MTA2: variants seen among roughly 807,000 people sequenced by gnomAD.
MTA2 encodes the protein metastasis associated 1 family member 2, also known as metastasis-associated protein MTA2.
In MTA2, 22 loss-of-function variants were observed where a neutral mutation model predicts 87.1. The observed-to-expected ratio is 0.25, with a 90% CI of 0.18 to 0.36. The LOEUF (loss-of-function observed/expected upper bound fraction) is 0.36. Among genes scored for constraint, MTA2 ranks in the 10% least tolerant of loss-of-function variants. The probability of loss-of-function intolerance (pLI) is 1.00; values close to 1 mark genes in which losing one functional copy is unlikely to be tolerated. For synonymous variants in MTA2, 314 were observed against 310.1 expected (o/e 1.01, Z -0.13); for missense variants, 542 against 853.2 (o/e 0.64, Z 4.54).
rs763935541 is a variant in MTA2, at chr11:62,597,424, G to A, written c.594-9C>T. 1 of 1,605,118 alleles carries A rather than the reference G, an allele frequency of 6.2e-7. No individual in the cohort carries two copies. The highest frequency in any genetic ancestry group is 8.5e-7 in the Non-Finnish European group (1 of 1,176,368). ...CAAAGGTTCCCACAGCTCTAAGGGA[G>A]AAATTGAGAAGTCAAAAGCGAAAGA... On this transcript the variant is annotated splice_polypyrimidine_tract_variant and intron_variant, in intron 7 of 17. Transcript: ENST00000278823.
chr11:62,593,964 G>A lies in MTA2; in HGVS notation c.1918C>T (p.Pro640Ser), dbSNP rs753841609. ...GGGGGCCGCACTGCAATCAGCGTTGGCTTCACCTTCAGGGGCAAGTTGGGT... is the reference window on the plus strand; with the variant it reads ...GGGGGCCGCACTGCAATCAGCGTTGACTTCACCTTCAGGGGCAAGTTGGGT... ...RRPNLPLKVK[P>S]TLIAVRPPVP... The change falls in exon 18 of 18, where the codon CCA becomes TCA. Residue 640 changes from proline to serine, a missense_variant. Around this residue, in one of 6 missense-constraint regions of MTA2, gnomAD observed 269 missense variants for 346.4 expected, o/e 0.78. Transcript: ENST00000278823. The A allele has an allele frequency of 6.2e-7, 1 of 1,614,110 alleles. No homozygotes were observed. The highest frequency in any genetic ancestry group is 1.7e-5 in the Admixed American group (1 of 60,014).
Position 62,601,768 on chromosome 11 carries a change from G to T in MTA2, c.-318C>A, listed in dbSNP as rs746580218. On this transcript the variant is annotated 5_prime_UTR_variant, in exon 1 of 18. Coordinates refer to ENST00000278823, the MANE Select transcript of MTA2 (RefSeq NM_004739.4). ...CCGCCCCCGCGGAGTCCCACTAGTC[G>T]TTGGGCTCTGCCGGCCGCAGGGAAG... The T allele has an allele frequency of 1.6e-5, 8 of 510,560 alleles. No homozygotes were observed. Among genetic ancestry groups the T allele is most frequent in the South Asian group, 1.2e-4 (4 of 33,802 alleles). 31.6% of individuals were successfully genotyped at this position (510,560 alleles called of 1,614,324 possible).
At position 62,600,227 on chromosome 11, in the gene MTA2, G is replaced by T. The variant is rs1280973598; in HGVS notation, c.129C>A (p.Val43=). The T allele has an allele frequency of 1.9e-6, 3 of 1,614,048 alleles. No homozygotes were observed. Among genetic ancestry groups the T allele is most frequent in the East Asian group, 2.2e-5 (1 of 44,894 alleles). ...AAATGTCCCTGCGCCGGAAAAGACA[G>T]ACAACCTTTGCCTCCACATTTCCAT... ...TANGNVEAKV[V]CLFRRRDISS... The change falls in exon 3 of 18, where the codon GTC becomes GTA. Residue 43 remains valine (V), a synonymous_variant. Coordinates refer to ENST00000278823, the MANE Select transcript of MTA2 (RefSeq NM_004739.4).
chr11:62,601,384 T>A lies in MTA2; in HGVS notation c.28+39A>T, dbSNP rs1942195468. On this transcript the variant is annotated intron_variant, in intron 1 of 17. Transcript: ENST00000278823. ...CCCCTCAGGTCCCTACCCCAACCTC[T>A]CCCGCCCCGGGCCCCGTATCCCTGC... 4.4e-6 allele frequency: 7 copies of A among 1,605,396 alleles called. No homozygotes were observed. In the African/African-American group the frequency reaches 6.8e-5, roughly 15 times the overall value.
chr11:62,596,769 C>T lies in MTA2; in HGVS notation c.750G>A (p.Ser250=), dbSNP rs777622190. ...CCGGGCCTCCCTGGGGTACCAGGGT[C>T]GACATGGCCTTAGCCAGGTCGTAGC... ...RNGYDLAKAM[S]TLVPQGGPVL... Residue 250 remains serine, a synonymous_variant, in exon 9 of 18, where the codon TCG becomes TCA. Transcript: ENST00000278823. The T allele has an allele frequency of 3.6e-5, 58 of 1,613,930 alleles. No homozygotes were observed. In the East Asian group the frequency reaches 1.1e-3, roughly 30 times the overall value.
At position 62,600,556 on chromosome 11, in the gene MTA2, C is replaced by T. The variant is rs140816546; in HGVS notation, c.96+66G>A. The stretch of plus-strand genomic sequence containing the variant: ...ACTTAGTATAGGATCCTCTCTTCCA[C>T]CAGAAGTTAGAAACCTCAGAAGAGA... On this transcript the variant is annotated intron_variant, in intron 2 of 17. Transcript: ENST00000278823. 1,472 of 1,438,198 alleles carry T rather than the reference C, an allele frequency of 1.0e-3. 2 individuals carry two copies. The highest frequency in any genetic ancestry group is 1.3e-3 in the Non-Finnish European group (1,378 of 1,036,276). The allele number at this position is 1,438,198 out of a possible 1,614,324, so 89.1% of individuals were successfully genotyped here.
intron 8 of MTA2, 71 bp downstream of exon 8, chr11:62,597,245 T>G: frequency 9.6e-7 from 1 of 1,046,972 alleles, no homozygotes; most frequent in Non-Finnish European, 1.4e-6. Context: ...GATACCCTCC[T>G]CTTCTGTTCC....
rs1442340472 is a variant in MTA2, at chr11:62,596,204, C to T, written c.1016+75G>A. 5.7e-6 allele frequency: 9 copies of T among 1,592,876 alleles called. No homozygotes were observed. In the East Asian group the frequency reaches 1.1e-4, roughly 20 times the overall value. On this transcript the variant is annotated intron_variant, in intron 11 of 17. Transcript: ENST00000278823. Reference sequence around the variant, plus strand: ...AGTGTGCCCCTACCTCCTGCCCACCCCCAATCACTGAGGAAGGCACAAGTT... The same window carrying T: ...AGTGTGCCCCTACCTCCTGCCCACCTCCAATCACTGAGGAAGGCACAAGTT...
chr11:62,600,039 G>A, intron 3 of MTA2, 127 bp downstream of exon 3: 2 of 788,772 alleles, frequency 2.5e-6, no homozygotes, highest in East Asian at 2.6e-5. Flanking sequence ...CCCTCCTCAG[G>A]CCAGGCATTT....
Position 62,593,224 on chromosome 11 carries a change from A to T in MTA2, c.*651T>A, listed in dbSNP as rs754030247. The T allele has an allele frequency of 2.6e-5, 4 of 152,226 alleles. No homozygotes were observed. Among genetic ancestry groups the T allele is most frequent in the Non-Finnish European group, 4.4e-5 (3 of 68,040 alleles). The allele number at this position is 152,226 out of a possible 1,614,324, so 9.4% of individuals were successfully genotyped here. ...TGAGCCAGGAGAAGCTGAAGAAAAC[A>T]GCTTTTTATTTGTTACTATAAGAAC... On this transcript the variant is annotated 3_prime_UTR_variant, in exon 18 of 18. Coordinates refer to ENST00000278823, the MANE Select transcript of MTA2 (RefSeq NM_004739.4).
intron 2 of MTA2, 170 bp downstream of exon 2, chr11:62,600,452 G>A: frequency 2.5e-6 from 2 of 801,114 alleles, no homozygotes; most frequent in Middle Eastern, 4.7e-4. Context: ...CCAAGAGACA[G>A]AATAGTAAAG....
chr11:62,600,817 T>G (rs756912830), intron 1 of MTA2, 128 bp from the exon 2 acceptor site: 3 of 734,250 alleles, frequency 4.1e-6, no homozygotes, highest in Non-Finnish European at 6.7e-6. Flanking sequence ...GAAAGGGCGC[T>G]GAGATGTGAA....
rs1455546940 is a variant in MTA2, at chr11:62,595,748, T to C, written c.1254+4A>G. 5 of 1,614,134 alleles carry C rather than the reference T, an allele frequency of 3.1e-6. No individual in the cohort carries two copies. The highest frequency in any genetic ancestry group is 4.2e-6 in the Non-Finnish European group (5 of 1,179,988). On this transcript the variant is annotated splice_donor_region_variant and intron_variant, in intron 13 of 17. Coordinates refer to ENST00000278823, the MANE Select transcript of MTA2 (RefSeq NM_004739.4). This position sits in a 1 kb window ranked among gnomAD's most constrained non-coding sequence, Gnocchi z 4.9. ...CCCCTGCTTTTCTTCCCACTGATCC[T>C]TACCGTGGTGCCCCGAGTGGCCCCC...
At position 62,593,550 on chromosome 11, in the gene MTA2, C is replaced by A; in HGVS notation, c.*325G>T. On this transcript the variant is annotated 3_prime_UTR_variant, in exon 18 of 18. Coordinates refer to ENST00000278823, the MANE Select transcript of MTA2 (RefSeq NM_004739.4). ...CTCTTCCCCTCCCCATCCCCTTTCA[C>A]AAAGGGAGGCAAAATTTTTAAAAAA... The A allele has an allele frequency of 5.0e-6, 1 of 198,320 alleles. No homozygotes were observed. Among genetic ancestry groups the A allele is most frequent in the East Asian group, 1.5e-4 (1 of 6,718 alleles). 12.3% of individuals were successfully genotyped at this position (198,320 alleles called of 1,614,324 possible). A position where few individuals can be genotyped will look rare whatever the true frequency, so the allele number is the denominator to read the frequency against.
In MTA2 at chr11:62,601,613, A is replaced by G. The variant is rs1428544386; in HGVS notation, c.-163T>C. The G allele has an allele frequency of 1.3e-6, 1 of 762,632 alleles. No homozygotes were observed. Among genetic ancestry groups the G allele is most frequent in the African/African-American group, 1.9e-5 (1 of 53,648 alleles). The allele number at this position is 762,632 out of a possible 1,614,324, so 47.2% of individuals were successfully genotyped here. A position where few individuals can be genotyped will look rare whatever the true frequency, so the allele number is the denominator to read the frequency against. ...TCCGCTGCCTCAGCCGTCGCGGTTC[A>G]TCCCGGCCCGCGCTGTCGCCGCCGC... On this transcript the variant is annotated 5_prime_UTR_variant, in exon 1 of 18. An upstream start codon of the reference 5' UTR is lost. Coordinates refer to ENST00000278823, the MANE Select transcript of MTA2 (RefSeq NM_004739.4).
chr11:62,599,567 G>A (rs562030311), intron 3 of MTA2, among the ~76,000 whole-genome samples: 29 of 151,126 alleles, frequency 1.9e-4, no homozygotes, highest in African/African-American at 6.3e-4. Flanking sequence ...AACCAAAGCA[G>A]GAAAGGAAAA....
rs12804001 is a variant in MTA2 at position 62,595,980 on chromosome 11, C to T, written c.1114+30G>A. On this transcript the variant is annotated intron_variant, in intron 12 of 17. Transcript: ENST00000278823. This position sits in a 1 kb window ranked among gnomAD's most constrained non-coding sequence, Gnocchi z 4.9. ...GAGCCACAGCAGGCCTTCCACCCAT[C>T]CCCACCATCCCAGTGCCCCCGTAAC... 5,046 of 1,614,018 alleles carry T rather than the reference C, an allele frequency of 3.1e-3. 8 individuals are homozygous for T. Among genetic ancestry groups the T allele is most frequent in the Middle Eastern group, 0.012 (74 of 6,062 alleles).
In MTA2 at chr11:62,601,467, G is replaced by T. The variant is rs202075546; in HGVS notation, c.-17C>A. 6.2e-7 allele frequency: 1 copy of T among 1,607,218 alleles called. No homozygotes were observed. Among genetic ancestry groups the T allele is most frequent in the African/African-American group, 1.3e-5 (1 of 74,292 alleles). On this transcript the variant is annotated 5_prime_UTR_variant, in exon 1 of 18. Transcript: ENST00000278823. The stretch of plus-strand genomic sequence containing the variant: ...GGCCGCCATGGCCGTTCCCGCCGCC[G>T]CCTCCGGCCGCACAAAGGGGTCCGG...
chr11:62,596,083 G>C lies in MTA2; in HGVS notation c.1041C>G (p.Ile347Met). The C allele has an allele frequency of 6.2e-7, 1 of 1,614,168 alleles. No homozygotes were observed. The highest frequency in any genetic ancestry group is 8.5e-7 in the Non-Finnish European group (1 of 1,180,052). Residue 347 changes from isoleucine to methionine, a missense_variant, in exon 12 of 18, where the codon ATC becomes ATG. Ile to Met is a conservative substitution (Grantham distance 10). Transcript: ENST00000278823. Reference protein sequence around the residue: ...PTYTKPNPNQIISVGSKPGMN... With the variant: ...PTYTKPNPNQMISVGSKPGMN... Reference sequence around the variant, plus strand: ...TGCCAGGTTTTGAACCCACAGAAATGATCTGGTTAGGGTTTGGCTTAGTGC... The same window carrying C: ...TGCCAGGTTTTGAACCCACAGAAATCATCTGGTTAGGGTTTGGCTTAGTGC...
Sources: allele counts gnomAD v4.1 joint callset (sites outside exome capture counted in the v4.1 genomes callset), GRCh38; gene constraint gnomAD v4.1.1; regional missense constraint gnomAD v4.1.1; non-coding constraint Gnocchi (gnomAD v3.1); transcripts MANE v1.5; gene names NCBI Gene and HGNC (gene_info 2026-07-23, HGNC 2026-07-21).